Variants in ANP32A observed in about 807,000 individuals in gnomAD.
ANP32A encodes the protein acidic nuclear phosphoprotein 32 family member A.
In ANP32A, 1 loss-of-function variant was observed where a neutral mutation model predicts 33.9. The ratio of observed to expected loss-of-function variants is 0.03; its 90% confidence interval spans 0.01 to 0.14. The LOEUF (loss-of-function observed/expected upper bound fraction) is 0.14. ANP32A is among the 10% of genes least tolerant of loss of function. The probability of loss-of-function intolerance (pLI) is 1.00; values close to 1 mark genes in which losing one functional copy is unlikely to be tolerated. For missense variants in ANP32A, 155 were observed against 306.0 expected, an observed-to-expected ratio of 0.51 and a Z score of 3.68; for synonymous variants, 115 against 120.5, an observed-to-expected ratio of 0.95 and a Z score of 0.30.
chr15:68,793,185 C>T (rs1272107187), intron 1 of ANP32A, among the ~76,000 whole-genome samples: 1 of 152,146 alleles, frequency 6.6e-6, no homozygotes, highest in African/African-American at 2.4e-5. Context: ...GAGCGGAGAC[C>T]AGAGCAACTG....
In ANP32A at chr15:68,784,598, G is replaced by A; in HGVS notation, c.328-3C>T. On this transcript the variant is annotated splice_region_variant and splice_polypyrimidine_tract_variant and intron_variant, in intron 3 of 6. Coordinates refer to ENST00000465139, the MANE Select transcript of ANP32A (RefSeq NM_006305.4). ...CTCTTGAGGTTTTCTAACTTTTTCT[G>A]CAAGCGGAAAAATGAAGCCAACAGT... 1 of 1,614,074 alleles carries A rather than the reference G, an allele frequency of 6.2e-7. No individual in the cohort carries two copies.
intron 1 of ANP32A, among the ~76,000 whole-genome samples, chr15:68,819,562 CCA>C (rs1019624524): frequency 2.6e-5 from 4 of 152,274 alleles, no homozygotes; most frequent in African/African-American, 9.6e-5. Context: ...CCAGTACCCA[CCA>C]CGGGCGCCAG....
chr15:68,815,386 A>C (rs1178552695), intron 1 of ANP32A, among the ~76,000 whole-genome samples: 1 of 151,998 alleles, frequency 6.6e-6, no homozygotes, highest in Admixed American at 6.5e-5. Context: ...TTATTGATAA[A>C]GTTCAGAATA....
At chr15:68,818,949 GCGCCCCCTCCTCTCCCGCGGC>G (rs1417778817) in intron 1 of ANP32A, among the ~76,000 whole-genome samples, 2 of 151,822 alleles carry the variant, frequency 1.3e-5, no homozygotes, top group Non-Finnish European at 2.9e-5. Context: ...TCCACCGGCG[GCGCCCCCTCCTCTCCCGCGGC>G]CGCCCCCTCC....
rs1031767551 is a variant in ANP32A at position 68,820,862 on chromosome 15, G to T, written c.-111C>A. 6 of 1,317,058 alleles carry T rather than the reference G, an allele frequency of 4.6e-6. No individual in the cohort carries two copies. The highest frequency in any genetic ancestry group is 2.9e-5 in the African/African-American group (2 of 68,688). 81.6% of individuals were successfully genotyped at this position (1,317,058 alleles called of 1,614,324 possible). On this transcript the variant is annotated 5_prime_UTR_variant, in exon 1 of 7. Coordinates refer to ENST00000465139, the MANE Select transcript of ANP32A (RefSeq NM_006305.4). ...TTTGAAGGCTCAACCAGCTCCGCTC[G>T]GTTCTCGAGCCCCCAGCACCCGCGG...
chr15:68,818,889 C>T (rs902941953), intron 1 of ANP32A, among the ~76,000 whole-genome samples: 1 of 152,048 alleles, frequency 6.6e-6, no homozygotes, highest in African/African-American at 2.4e-5. Flanking sequence ...GGGACGAAAG[C>T]GGCCGGAGAG....
At chr15:68,794,529 A>C (rs999993873) in intron 1 of ANP32A, among the ~76,000 whole-genome samples, 2 of 152,196 alleles carry the variant, frequency 1.3e-5, no homozygotes, top group African/African-American at 4.8e-5. Context: ...TATCAAATTG[A>C]CCCTGTGTTT....
chr15:68,818,384 A>G, intron 1 of ANP32A: 1 of 168,378 alleles, frequency 5.9e-6, no homozygotes, highest in Admixed American at 6.5e-5. Flanking sequence ...TCCGGGAGCC[A>G]TTTGTCTTAA....
chr15:68,793,971 G>T (rs1894030632), intron 1 of ANP32A, among the ~76,000 whole-genome samples: 1 of 152,182 alleles, frequency 6.6e-6, no homozygotes, highest in Non-Finnish European at 1.5e-5. Context: ...ACTTCCTGAG[G>T]CAACAAGGAA....
At chr15:68,782,423 G>C (rs1371850773) in intron 5 of ANP32A, among the ~76,000 whole-genome samples, 1 of 152,180 alleles carries the variant, frequency 6.6e-6, no homozygotes, top group Non-Finnish European at 1.5e-5. Flanking sequence ...GCGAGTGGTA[G>C]AGCTGGGACT....
At chr15:68,814,857 C>T (rs1177640454) in intron 1 of ANP32A, among the ~76,000 whole-genome samples, 2 of 152,190 alleles carry the variant, frequency 1.3e-5, no homozygotes, top group African/African-American at 4.8e-5. Flanking sequence ...ACAGCTGCCC[C>T]GCCTTTGGTT....
At chr15:68,782,520 T>C (rs1251205028) in intron 5 of ANP32A, among the ~76,000 whole-genome samples, 1 of 152,200 alleles carries the variant, frequency 6.6e-6, no homozygotes, top group East Asian at 1.9e-4. Context: ...ATTTCCATAG[T>C]GTCACTCTCT....
rs1360666285 is a variant in ANP32A, at chr15:68,818,253, C to T, written c.54+2445G>A. On this transcript the variant is annotated intron_variant, in intron 1 of 6. Coordinates refer to ENST00000465139, the MANE Select transcript of ANP32A (RefSeq NM_006305.4). ...GCGAGCCCCGGGAAACATGGCTGCT[C>T]GTCCTATTTCGGCGTCGCGGCATGG... The T allele has an allele frequency of 4.0e-5, 11 of 274,346 alleles. No homozygotes were observed. In the East Asian group the frequency reaches 5.0e-4, roughly 13 times the overall value. The allele number at this position is 274,346 out of a possible 1,614,324, so 17.0% of individuals were successfully genotyped here.
At chr15:68,803,677 A>G (rs1894169537) in intron 1 of ANP32A, among the ~76,000 whole-genome samples, 1 of 152,156 alleles carries the variant, frequency 6.6e-6, no homozygotes, top group Non-Finnish European at 1.5e-5. Flanking sequence ...AGGCAGGCAC[A>G]TGGAAAGTCG....
intron 1 of ANP32A, among the ~76,000 whole-genome samples, chr15:68,792,903 C>T (rs935348275): frequency 1.2e-4 from 19 of 152,206 alleles, no homozygotes; most frequent in African/African-American, 4.3e-4. Flanking sequence ...ACATTCCTGG[C>T]TTCTCACTGC....
chr15:68,811,659 T>C (rs958088989), intron 1 of ANP32A, among the ~76,000 whole-genome samples: 1 of 152,214 alleles, frequency 6.6e-6, no homozygotes, highest in African/African-American at 2.4e-5. Context: ...CCTGGTAACT[T>C]TGAATCTCTA....
rs1380362506 is a variant in ANP32A, at chr15:68,779,101, A to G, written c.*980T>C. On this transcript the variant is annotated 3_prime_UTR_variant, in exon 7 of 7. Coordinates refer to ENST00000465139, the MANE Select transcript of ANP32A (RefSeq NM_006305.4). The stretch of plus-strand genomic sequence containing the variant: ...AAGCAAACCTGTACATTCACTAGGA[A>G]TTTGCAGTCATTTCAGATTTCCACT... 6.6e-6 allele frequency: 1 copy of G among 152,062 alleles called. No individual in the cohort carries two copies. Among genetic ancestry groups the G allele is most frequent in the African/African-American group, 2.4e-5 (1 of 41,388 alleles). The allele number at this position is 152,062 out of a possible 1,614,324, so 9.4% of individuals were successfully genotyped here.
At chr15:68,811,692 T>C (rs192089172) in intron 1 of ANP32A, among the ~76,000 whole-genome samples, 5 of 152,342 alleles carry the variant, frequency 3.3e-5, no homozygotes, top group East Asian at 1.9e-4. Context: ...CCTTTCCCAT[T>C]GAAAGAAAAT....
At chr15:68,810,523 A>C (rs187891163) in intron 1 of ANP32A, among the ~76,000 whole-genome samples, 7 of 152,294 alleles carry the variant, frequency 4.6e-5, no homozygotes, top group East Asian at 3.9e-4. Context: ...GGTGGGTCTC[A>C]AGCTTACTCA....
Sources: gnomAD v4.1 joint callset for allele counts (sites outside exome capture counted in the v4.1 genomes callset) on GRCh38, gnomAD v4.1.1 for gene constraint, MANE v1.5 for transcripts, NCBI Gene and HGNC (gene_info 2026-07-23, HGNC 2026-07-21) for gene names.